The following PROS1 variants were observed in gnomAD, a reference collection of about 807,000 sequenced individuals.
PROS1 encodes protein S.
In PROS1, 29 loss-of-function variants were observed where a neutral mutation model predicts 75.9. The ratio of observed to expected loss-of-function variants is 0.38; its 90% CI spans 0.28 to 0.52. The LOEUF (loss-of-function observed/expected upper bound fraction) is 0.52. Ranked by LOEUF, PROS1 falls within the 20% of genes least tolerant of loss-of-function variation. PROS1 has a pLI of 0.83. For synonymous variants in PROS1, 245 were observed against 280.6 expected (o/e 0.87, Z 1.27); for missense variants, 680 against 810.3 (o/e 0.84, Z 1.95).
At chr3:93,931,683 T>G (rs571408699) in intron 1 of PROS1, among the ~76,000 whole-genome samples, 51 of 152,308 alleles carry the variant, frequency 3.3e-4, no homozygotes, top group Non-Finnish European at 6.5e-4. Flanking sequence ...TACTGTTGCT[T>G]GCAATACTTT....
chr3:93,929,995 A>G (rs139301142), intron 1 of PROS1, among the ~76,000 whole-genome samples: 59 of 152,354 alleles, frequency 3.9e-4, no homozygotes, highest in Non-Finnish European at 6.8e-4. Flanking sequence ...AGAAAAAAGC[A>G]AAAAGATTTA....
At chr3:93,884,978 G>GA (rs1031687608) in intron 11 of PROS1, 82 bp from the exon 12 acceptor site, 104 of 1,188,594 alleles carry the variant, frequency 8.7e-5, no homozygotes, top group Middle Eastern at 2.5e-4. Flanking sequence ...TTCATTAAGA[G>GA]AAAAAAAATC....
intron 1 of PROS1, among the ~76,000 whole-genome samples, chr3:93,943,130 T>C (rs543869054): frequency 6.6e-6 from 1 of 152,098 alleles, no homozygotes; most frequent in Admixed American, 6.5e-5. Context: ...AGTTTCTCAG[T>C]CTCTTGGTAT....
chr3:93,910,985 T>A (rs904298316), intron 3 of PROS1: 6 of 392,292 alleles, frequency 1.5e-5, no homozygotes, highest in African/African-American at 1.2e-4. Flanking sequence ...AACCTTGATT[T>A]AGCATAGAAA....
At chr3:93,955,690 C>T (rs941322537) in intron 1 of PROS1, among the ~76,000 whole-genome samples, 5 of 150,012 alleles carry the variant, frequency 3.3e-5, no homozygotes, top group East Asian at 3.9e-4. Context: ...CAAACCTGCA[C>T]GTTGTGTACA....
intron 2 of PROS1, among the ~76,000 whole-genome samples, chr3:93,925,431 G>A (rs2107199265): frequency 6.6e-6 from 1 of 152,214 alleles, no homozygotes; most frequent in African/African-American, 2.4e-5. Flanking sequence ...AGTACTGTGG[G>A]GACTGGAAAT....
chr3:93,946,836 C>T (rs1195314933), intron 1 of PROS1, among the ~76,000 whole-genome samples: 1 of 88,260 alleles, frequency 1.1e-5, no homozygotes, highest in South Asian at 3.4e-4. Flanking sequence ...AGCTTCTGCA[C>T]AGAAAAAAAA....
chr3:93,953,161 T>A (rs147684748), intron 1 of PROS1, among the ~76,000 whole-genome samples: 41 of 151,656 alleles, frequency 2.7e-4, no homozygotes, highest in Admixed American at 5.3e-4. Flanking sequence ...AAAAGAGTTG[T>A]TACCATTCCT....
Position 93,877,041 on chromosome 3 carries a change from C to G in PROS1, c.1795G>C (p.Asp599His), listed in dbSNP as rs193013939. Residue 599 changes from aspartate to histidine, a missense_variant, in exon 14 of 15, where the codon GAC (aspartate) becomes CAC (histidine). Coordinates refer to ENST00000394236, the MANE Select transcript of PROS1 (RefSeq NM_000313.4). Reference sequence around the variant, plus strand: ...AAGACGGCAAGTTGTCTTTGAAGGTCTTCATGGGAGATGGTTTCTATTTTA... The same window carrying G: ...AAGACGGCAAGTTGTCTTTGAAGGTGTTCATGGGAGATGGTTTCTATTTTA... Reference protein sequence around the residue: ...PLKIETISHEDLQRQLAVLDK... With the variant: ...PLKIETISHEHLQRQLAVLDK... 1.9e-5 allele frequency: 30 copies of G among 1,614,048 alleles called. No individual in the cohort carries two copies. The East Asian group carries it at 6.2e-4, about 34-fold the overall frequency.
At chr3:93,917,879 G>T (rs1708882570) in intron 3 of PROS1, among the ~76,000 whole-genome samples, 1 of 152,148 alleles carries the variant, frequency 6.6e-6, no homozygotes, top group South Asian at 2.1e-4. Flanking sequence ...CGCCTCTGTG[G>T]GCTCCTGTGC....
At chr3:93,900,981 C>T (rs1343104701) in intron 6 of PROS1, 52 bp from the exon 7 acceptor site, 2 of 1,580,746 alleles carry the variant, frequency 1.3e-6, no homozygotes, top group Non-Finnish European at 1.7e-6. Flanking sequence ...CCAGCAGACA[C>T]TACCAAAGAA....
chr3:93,900,787 T>TA lies in PROS1; in HGVS notation c.727+16dup, dbSNP rs1576184085. On this transcript the variant is annotated intron_variant, in intron 7 of 14. Transcript: ENST00000394236. Reference sequence around the variant, plus strand: ...CCACCCTCTCCACCATCAGTAATGATACCACCATCATCCTACCTTCACAAG... The same window carrying TA: ...CCACCCTCTCCACCATCAGTAATGATAACCACCATCATCCTACCTTCACAAG... 6.2e-7 allele frequency: 1 copy of TA among 1,612,110 alleles called. No individual in the cohort carries two copies. The highest frequency in any genetic ancestry group is 1.3e-5 in the African/African-American group (1 of 75,004).
intron 1 of PROS1, among the ~76,000 whole-genome samples, chr3:93,968,187 T>C (rs1709819053): frequency 6.6e-6 from 1 of 152,140 alleles, no homozygotes; most frequent in Non-Finnish European, 1.5e-5. Flanking sequence ...TATGACCTTA[T>C]TTGGAAATAG....
intron 1 of PROS1, among the ~76,000 whole-genome samples, chr3:93,966,183 T>G (rs2107267691): frequency 6.6e-6 from 1 of 152,170 alleles, no homozygotes; most frequent in South Asian, 2.1e-4. Flanking sequence ...AGCAAAACCC[T>G]CACTATGGGC....
chr3:93,888,242 G>A (rs1350400802), intron 10 of PROS1, among the ~76,000 whole-genome samples: 1 of 152,046 alleles, frequency 6.6e-6, no homozygotes, highest in Non-Finnish European at 1.5e-5. Context: ...ATTACCAATG[G>A]CAACACCATG....
intron 11 of PROS1, among the ~76,000 whole-genome samples, chr3:93,885,909 T>A (rs946424971): frequency 6.6e-6 from 1 of 152,166 alleles, no homozygotes; most frequent in African/African-American, 2.4e-5. Context: ...TGCATTTAAG[T>A]CCTAAAAATA....
At chr3:93,918,063 C>T (rs376945861) in intron 3 of PROS1, among the ~76,000 whole-genome samples, 1 of 152,186 alleles carries the variant, frequency 6.6e-6, no homozygotes, top group Non-Finnish European at 1.5e-5. Context: ...CTGGTGGGGC[C>T]TTGGAGAACC....
At chr3:93,960,166 G>A (rs1182940401) in intron 1 of PROS1, among the ~76,000 whole-genome samples, 2 of 150,854 alleles carry the variant, frequency 1.3e-5, no homozygotes, top group Non-Finnish European at 2.9e-5. Context: ...AAGCAGAAGT[G>A]CGTTTGTCAC....
chr3:93,913,078 G>C (rs1708783880), intron 3 of PROS1, among the ~76,000 whole-genome samples: 1 of 152,202 alleles, frequency 6.6e-6, no homozygotes, highest in Non-Finnish European at 1.5e-5. Context: ...GGACAGACCA[G>C]GTGGAGGTAA....
Sources: allele counts gnomAD v4.1 joint callset (sites outside exome capture counted in the v4.1 genomes callset), GRCh38; gene constraint gnomAD v4.1.1; transcripts MANE v1.5; gene names NCBI Gene and HGNC (gene_info 2026-07-23, HGNC 2026-07-21).